Variants in CDK13 observed in about 807,000 individuals in gnomAD.
CDK13 encodes cyclin dependent kinase 13.
A neutral mutation model predicts 137.6 loss-of-function variants in CDK13; 40 were observed. That is an observed-to-expected ratio of 0.29 (90% confidence interval 0.23 to 0.38). The LOEUF (loss-of-function observed/expected upper bound fraction) is 0.38, where lower values mean the gene tolerates loss of function less well. Ranked by LOEUF, CDK13 falls within the 10% of genes least tolerant of loss-of-function variation. CDK13 has a pLI of 1.00. For synonymous variants in CDK13, 869 were observed against 760.1 expected (o/e 1.14, Z -2.36); for missense variants, 1,704 against 1,951.8 (o/e 0.87, Z 2.39).
At chr7:40,031,289 A>G (rs1204879127) in intron 5 of CDK13, among the ~76,000 whole-genome samples, 1 of 152,186 alleles carries the variant, frequency 6.6e-6, no homozygotes, top group Non-Finnish European at 1.5e-5. Context: ...TGGGAGGCCA[A>G]GGTGGGCGGA....
At chr7:40,023,334 C>G (rs999805797) in intron 5 of CDK13, among the ~76,000 whole-genome samples, 1 of 151,614 alleles carries the variant, frequency 6.6e-6, no homozygotes, top group Admixed American at 6.6e-5. Context: ...CAAAGTGTTG[C>G]GATTATAGGC....
At chr7:40,065,894 A>G (rs1786269248) in intron 9 of CDK13, among the ~76,000 whole-genome samples, 1 of 152,196 alleles carries the variant, frequency 6.6e-6, no homozygotes, top group Non-Finnish European at 1.5e-5. Context: ...AAGAGAGTAT[A>G]AAGAAATTAA....
intron 5 of CDK13, among the ~76,000 whole-genome samples, chr7:40,002,821 T>C (rs951729922): frequency 1.8e-4 from 28 of 151,518 alleles, no homozygotes; most frequent in African/African-American, 6.8e-4. Context: ...GCCAAACACT[T>C]TGGGAGTCCA....
intron 5 of CDK13, among the ~76,000 whole-genome samples, chr7:40,042,387 G>T (rs1222731189): frequency 6.8e-6 from 1 of 146,084 alleles, no homozygotes; most frequent in African/African-American, 2.5e-5. Flanking sequence ...AGCCGTTTTT[G>T]TATTGATTTG....
At chr7:39,964,972 C>T (rs1783835407) in intron 1 of CDK13, among the ~76,000 whole-genome samples, 1 of 152,154 alleles carries the variant, frequency 6.6e-6, no homozygotes, top group Non-Finnish European at 1.5e-5. Context: ...AGTTTGATTG[C>T]ACTGTGGTCT....
At chr7:40,084,354 T>G (rs1380532476) in intron 11 of CDK13, among the ~76,000 whole-genome samples, 1 of 152,172 alleles carries the variant, frequency 6.6e-6, no homozygotes, top group Non-Finnish European at 1.5e-5. Context: ...GACACATGCC[T>G]GTAATCCCAA....
chr7:40,062,448 GTTAA>G (rs577013851), intron 7 of CDK13: 164 of 168,000 alleles, frequency 9.8e-4, no homozygotes, highest in Non-Finnish European at 1.7e-3. Flanking sequence ...ACCACGCCTG[GTTAA>G]TTTTTTTTTA....
intron 9 of CDK13, chr7:40,071,855 C>T (rs983161791): frequency 3.3e-5 from 5 of 152,228 alleles, no homozygotes; most frequent in Middle Eastern, 3.4e-3. Flanking sequence ...GACAAGCTGA[C>T]TTTGTTCCTA....
intron 7 of CDK13, among the ~76,000 whole-genome samples, chr7:40,058,913 C>T (rs1231441433): frequency 2.0e-5 from 3 of 152,006 alleles, no homozygotes; most frequent in East Asian, 3.9e-4. Flanking sequence ...CTCTCTTTGT[C>T]TCAAAACAGT....
chr7:39,985,284 G>A (rs1036263312), intron 1 of CDK13: 1 of 152,222 alleles, frequency 6.6e-6, no homozygotes, highest in African/African-American at 2.4e-5. Context: ...CATCCATGCT[G>A]TTGCAAGTGA....
chr7:40,022,518 A>G (rs191322780), intron 5 of CDK13, among the ~76,000 whole-genome samples: 1 of 152,166 alleles, frequency 6.6e-6, no homozygotes, highest in Admixed American at 6.5e-5. Context: ...ATATTGTAAC[A>G]AATATTTGTT....
intron 9 of CDK13, chr7:40,073,027 G>A (rs1786457224): frequency 6.6e-6 from 1 of 152,218 alleles, no homozygotes; most frequent in African/African-American, 2.4e-5. Context: ...GTGTGAATTT[G>A]TATGTGTATA....
At chr7:39,989,167 A>G (rs1026730943) in intron 2 of CDK13, among the ~76,000 whole-genome samples, 1 of 148,888 alleles carries the variant, frequency 6.7e-6, no homozygotes, top group African/African-American at 2.4e-5. Context: ...AATTTCTATT[A>G]TGAACAGTGA....
chr7:39,951,061 G>A lies in CDK13; in HGVS notation c.420G>A (p.Val140=), dbSNP rs1787158171. 3.9e-6 allele frequency: 5 copies of A among 1,278,284 alleles called. No homozygotes were observed. Among genetic ancestry groups the A allele is most frequent in the Non-Finnish European group, 4.9e-6 (5 of 1,014,296 alleles). The allele number at this position is 1,278,284 out of a possible 1,614,324, so 79.2% of individuals were successfully genotyped here. A position where few individuals can be genotyped will look rare whatever the true frequency, so the allele number is the denominator to read the frequency against. The change falls in exon 1 of 14, where the codon GTG becomes GTA. Residue 140 remains valine (V), a synonymous_variant. Transcript: ENST00000181839. ...GCGGTGCTAGTAGCGGCGGGGGTGT[G>A]ACCCCGCTGGTGGAATACGAGGATG... ...GGGGASSGGG[V]TPLVEYEDVS...
intron 6 of CDK13, among the ~76,000 whole-genome samples, chr7:40,047,099 C>G (rs191722087): frequency 6.6e-6 from 1 of 151,224 alleles, no homozygotes; most frequent in Non-Finnish European, 1.5e-5. Context: ...TGCTATTATT[C>G]CAAGTAATGT....
chr7:40,055,156 CTGTGTGTGTGTG>C (rs56001601), intron 7 of CDK13, among the ~76,000 whole-genome samples: 50 of 140,436 alleles, frequency 3.6e-4, no homozygotes, highest in South Asian at 1.9e-3. Flanking sequence ...GGCAGAAGGA[CTGTGTGTGTGTG>C]TGTGTGTGTG....
At chr7:39,991,862 G>C (rs140357376) in intron 2 of CDK13, among the ~76,000 whole-genome samples, 2 of 151,832 alleles carry the variant, frequency 1.3e-5, no homozygotes, top group Non-Finnish European at 2.9e-5. Context: ...GAGGAGCCTC[G>C]GCAACATGGT....
intron 9 of CDK13, 80 bp downstream of exon 9, chr7:40,063,180 C>A: frequency 9.1e-7 from 1 of 1,096,398 alleles, no homozygotes; most frequent in Non-Finnish European, 1.4e-6. Flanking sequence ...CCAAGTTTGT[C>A]TTTTCAGGAA....
Position 40,002,006 on chromosome 7 carries a change from T to C in CDK13, c.2328T>C (p.Asp776=), listed in dbSNP as rs369643634. 13 of 1,607,718 alleles carry C rather than the reference T, an allele frequency of 8.1e-6. No homozygotes were observed. The African/African-American group carries it at 1.6e-4, about 20-fold the overall frequency. ...AGGAAATAGTGACTGATAAAGAAGA[T>C]GCTTTGGATTTCAAGAAGGACAAAG... ...NMKEIVTDKE[D]ALDFKKDKGA... is the part of the protein sequence containing the mutation. The change falls in exon 5 of 14, where the codon GAT becomes GAC. Residue 776 remains aspartate, a synonymous_variant. Transcript: ENST00000181839.
Sources: allele counts gnomAD v4.1 joint callset (sites outside exome capture counted in the v4.1 genomes callset), GRCh38; gene constraint gnomAD v4.1.1; transcripts MANE v1.5; gene names NCBI Gene and HGNC (gene_info 2026-07-23, HGNC 2026-07-21).